Variants in CTBP1 observed in about 807,000 individuals in gnomAD.
CTBP1 encodes the protein C-terminal binding protein 1.
In CTBP1, 11 loss-of-function variants were observed where a neutral mutation model predicts 42.1. That is an observed-to-expected ratio of 0.26 (90% CI 0.16 to 0.43). The LOEUF is 0.43. CTBP1 is among the 20% of genes least tolerant of loss of function. The pLI is 1.00. For synonymous variants in CTBP1, 324 were observed against 277.1 expected (o/e 1.17, Z -1.68); for missense variants, 399 against 624.3 (o/e 0.64, Z 3.85).
At chr4:1,249,353 G>A (rs2108818033), upstream of CTBP1, 1 of 150,954 alleles carries the variant, frequency 6.6e-6, no homozygotes, top group Non-Finnish European at 1.5e-5. Flanking sequence ...CCCCGAGGAA[G>A]TCGGGCAGGG....
intron 5 of CTBP1, among the ~76,000 whole-genome samples, chr4:1,219,105 G>A (rs1377175770): frequency 6.6e-6 from 1 of 152,132 alleles, no homozygotes; most frequent in Non-Finnish European, 1.5e-5. Flanking sequence ...GCCAAGGCAG[G>A]GTGACCACTT....
At chr4:1,248,864 G>GCCC in intron 1 of CTBP1, 52 bp downstream of exon 1, 10 of 334,090 alleles carry the variant, frequency 3.0e-5, no homozygotes, top group Admixed American at 7.1e-5. Context: ...CGCGGCACCC[G>GCCC]CCCCGCCCCG....
intron 5 of CTBP1, chr4:1,221,732 G>T (rs953861758): frequency 2.6e-6 from 1 of 386,920 alleles, no homozygotes; most frequent in Non-Finnish European, 5.2e-6. Flanking sequence ...TCGCGGGGCC[G>T]CCACGGGAGA....
chr4:1,248,357 C>T (rs1732971512), intron 1 of CTBP1, among the ~76,000 whole-genome samples: 1 of 151,652 alleles, frequency 6.6e-6, no homozygotes. Flanking sequence ...CCTCCACGGT[C>T]ATACCCGGCA....
chr4:1,248,923 C>A lies in CTBP1; in HGVS notation c.-196G>T. 1 of 1,004,872 alleles carries A rather than the reference C, an allele frequency of 1.0e-6. No homozygotes were observed. Among genetic ancestry groups the A allele is most frequent in the Non-Finnish European group, 1.2e-6 (1 of 837,482 alleles). 62.2% of individuals were successfully genotyped at this position (1,004,872 alleles called of 1,614,324 possible). ...GCGCGCGCGCGGCCTTACCAAGCGGCAGGCCCTTGTTGAGCAAGTGCGAGC... is the reference window on the plus strand; with the variant it reads ...GCGCGCGCGCGGCCTTACCAAGCGGAAGGCCCTTGTTGAGCAAGTGCGAGC... On this transcript the variant is annotated 5_prime_UTR_variant, in exon 1 of 10. Transcript: ENST00000382952.
intron 4 of CTBP1, 132 bp downstream of exon 4, chr4:1,228,067 A>C: frequency 7.6e-7 from 1 of 1,317,818 alleles, no homozygotes; most frequent in Non-Finnish European, 1.1e-6. Flanking sequence ...AGACGGGACC[A>C]CGAACCACCG....
chr4:1,219,779 C>T (rs1386267193), intron 5 of CTBP1, among the ~76,000 whole-genome samples: 1 of 152,230 alleles, frequency 6.6e-6, no homozygotes, highest in Non-Finnish European at 1.5e-5. Flanking sequence ...CCTCCGGCCT[C>T]GGCCTCATAA....
At chr4:1,245,334 G>A in intron 1 of CTBP1, 2 of 985,454 alleles carry the variant, frequency 2.0e-6, no homozygotes, top group Non-Finnish European at 2.4e-6. Flanking sequence ...TGTTCAGCGA[G>A]CACATGCACA....
Position 1,231,303 on chromosome 4 carries a change from T to A in CTBP1, c.163-2960A>T, listed in dbSNP as rs191652035. On this transcript the variant is annotated intron_variant, in intron 3 of 9. Transcript: ENST00000382952. ...TTGCATTGGTCTCCCACGGAGAAAG[T>A]CTGCAGGAGGTGGGTGCAGCCAGGT... 2.4e-3 allele frequency among the ~76,000 whole-genome samples: 365 copies of A among 152,284 alleles called. 1 individual carries two copies. Among genetic ancestry groups the A allele is most frequent in the African/African-American group, 8.3e-3 (346 of 41,552 alleles).
chr4:1,225,642 G>A (rs976606376), intron 4 of CTBP1, 76 bp from the exon 5 acceptor site: 6 of 1,423,056 alleles, frequency 4.2e-6, no homozygotes, highest in East Asian at 5.0e-5. Context: ...CGCCGTGACT[G>A]GAGCGGGTTT....
intron 3 of CTBP1, among the ~76,000 whole-genome samples, chr4:1,231,986 C>T (rs907272147): frequency 7.2e-5 from 11 of 152,292 alleles, no homozygotes; most frequent in South Asian, 2.1e-4. Context: ...CAAACGCCAC[C>T]GCCCTCATCC....
At chr4:1,223,050 G>A (rs1729927768) in intron 5 of CTBP1, among the ~76,000 whole-genome samples, 1 of 146,216 alleles carries the variant, frequency 6.8e-6, no homozygotes, top group Non-Finnish European at 1.5e-5. Flanking sequence ...CTGTCCTGTG[G>A]GCTTGCTCTG....
At chr4:1,214,579 GC>G in intron 6 of CTBP1, 106 bp from the exon 7 acceptor site, 1 of 1,384,012 alleles carries the variant, frequency 7.2e-7, no homozygotes, top group East Asian at 2.9e-5. Flanking sequence ...CAGCTCCCTA[GC>G]CCCTTCCCAG....
At position 1,233,681 on chromosome 4, in the gene CTBP1, C is replaced by T. The variant is rs884421; in HGVS notation, c.162+4502G>A. 0.76 allele frequency among the ~76,000 whole-genome samples: 115,974 copies of T among 151,998 alleles called. 45,694 individuals are homozygous for T. The highest frequency in any genetic ancestry group is 0.89 in the South Asian group (4,305 of 4,814). Reference sequence around the variant, plus strand: ...CCCACCCGTGGTATCAGTAAAATCCCAGTCCTGAACCTGAACACTGGGGCG... The same window carrying T: ...CCCACCCGTGGTATCAGTAAAATCCTAGTCCTGAACCTGAACACTGGGGCG... On this transcript the variant is annotated intron_variant, in intron 3 of 9. Transcript: ENST00000382952. This position sits in a 1 kb window ranked among gnomAD's most constrained non-coding sequence, Gnocchi z 4.6.
intron 1 of CTBP1, chr4:1,243,015 G>A (rs1257410143): frequency 4.7e-5 from 46 of 985,258 alleles, no homozygotes; most frequent in Non-Finnish European, 5.5e-5. Flanking sequence ...ATCAATACTG[G>A]CCAAACTCAT....
rs754904369 is a variant in CTBP1, at chr4:1,238,270, C to T, written c.75G>A (p.Arg25=). Residue 25 remains arginine (R), a synonymous_variant, in exon 3 of 10, where the codon CGG becomes CGA. Transcript: ENST00000382952. This position sits in a 1 kb window ranked among gnomAD's most constrained non-coding sequence, Gnocchi z 5.9. ...PRPLVALLDG[R]DCTVEMPILK... ...GGATGGGCATCTCCACTGTGCAGTC[C>T]CGGCCATCCAGCAATGCCACCAGGG... 6.2e-7 allele frequency: 1 copy of T among 1,603,696 alleles called. No individual in the cohort carries two copies. Among genetic ancestry groups the T allele is most frequent in the Non-Finnish European group, 8.5e-7 (1 of 1,172,828 alleles).
intron 5 of CTBP1, chr4:1,216,430 G>T (rs760618984): frequency 3.5e-5 from 21 of 600,672 alleles, no homozygotes; most frequent in Non-Finnish European, 4.4e-5. Flanking sequence ...GGGTGGAAAG[G>T]GTACACTAGC....
chr4:1,218,782 C>T (rs931735463), intron 5 of CTBP1, among the ~76,000 whole-genome samples: 7 of 152,042 alleles, frequency 4.6e-5, no homozygotes, highest in East Asian at 3.9e-4. Context: ...AAACTAAACA[C>T]GATCACTAAG....
intron 3 of CTBP1, among the ~76,000 whole-genome samples, chr4:1,234,219 G>A (rs1731254855): frequency 1.3e-5 from 2 of 152,238 alleles, no homozygotes; most frequent in Non-Finnish European, 2.9e-5. Flanking sequence ...GGGAGGTCAC[G>A]GCTTCTCTTC....
Sources: gnomAD v4.1 joint callset for allele counts (sites outside exome capture counted in the v4.1 genomes callset) on GRCh38, gnomAD v4.1.1 for gene constraint, Gnocchi (gnomAD v3.1) non-coding constraint, MANE v1.5 for transcripts, NCBI Gene and HGNC (gene_info 2026-07-23, HGNC 2026-07-21) for gene names.